SLC30A8: variants seen among roughly 807,000 people sequenced by gnomAD.
SLC30A8 encodes proton-coupled zinc antiporter SLC30A8.
SLC30A8 carries 27 observed loss-of-function variants against 36.9 expected under a neutral mutation model. That is an observed-to-expected ratio of 0.73 (90% CI 0.54 to 1.01). The LOEUF is 1.01. SLC30A8 is among the 50% of genes least tolerant of loss of function. The pLI is 0.00. For synonymous variants in SLC30A8, 164 were observed against 172.4 expected (o/e 0.95, Z 0.38); for missense variants, 439 against 452.0 (o/e 0.97, Z 0.26).
intron 1 of SLC30A8, among the ~76,000 whole-genome samples, chr8:116,955,243 T>C (rs1370349284): frequency 6.6e-6 from 1 of 152,094 alleles, no homozygotes; most frequent in African/African-American, 2.4e-5. Context: ...GCAGATGCAA[T>C]TAATTAAGAT....
At chr8:117,022,194 C>T (rs1269386761) in intron 1 of SLC30A8, among the ~76,000 whole-genome samples, 11 of 101,138 alleles carry the variant, frequency 1.1e-4, no homozygotes, top group East Asian at 5.6e-4. Flanking sequence ...AGCAAGACTC[C>T]GTCTCAAAAA....
intron 2 of SLC30A8, among the ~76,000 whole-genome samples, chr8:117,042,167 A>G (rs768461378): frequency 1.3e-5 from 2 of 152,240 alleles, no homozygotes; most frequent in African/African-American, 2.4e-5. Context: ...ACCTTTTATG[A>G]CATTCAAAGA....
At chr8:117,097,431 A>T in intron 2 of SLC30A8, among the ~76,000 whole-genome samples, 1 of 121,102 alleles carries the variant, frequency 8.3e-6, no homozygotes, top group Non-Finnish European at 1.6e-5. Flanking sequence ...ATATATAAAT[A>T]TATATAATTA....
intron 5 of SLC30A8, 60 bp from the exon 6 acceptor site, chr8:117,163,365 C>A: frequency 1.5e-6 from 2 of 1,306,976 alleles, no homozygotes; most frequent in Non-Finnish European, 2.2e-6. Flanking sequence ...TTTTATTAAT[C>A]AGACTTTCTG....
At chr8:117,127,225 G>C (rs774767018) in intron 2 of SLC30A8, among the ~76,000 whole-genome samples, 1 of 123,262 alleles carries the variant, frequency 8.1e-6, no homozygotes, top group Non-Finnish European at 1.6e-5. Context: ...GAAGTCTCAT[G>C]TGGAAGTTCT....
intron 2 of SLC30A8, among the ~76,000 whole-genome samples, chr8:117,089,372 A>G (rs938693205): frequency 4.6e-5 from 7 of 152,034 alleles, no homozygotes; most frequent in Non-Finnish European, 8.8e-5. Context: ...TGCATCTCCC[A>G]TCTCCCCAAA....
intron 1 of SLC30A8, among the ~76,000 whole-genome samples, chr8:116,989,483 T>G (rs946650995): frequency 6.6e-6 from 1 of 152,224 alleles, no homozygotes; most frequent in African/African-American, 2.4e-5. Flanking sequence ...ATTATTTACC[T>G]AAATTGTTTA....
chr8:117,023,614 C>G (rs1187233068), intron 1 of SLC30A8, among the ~76,000 whole-genome samples: 2 of 150,990 alleles, frequency 1.3e-5, no homozygotes, highest in Admixed American at 1.3e-4. Context: ...AGCAAACTAT[C>G]ACAAGGACAA....
At chr8:117,078,840 G>A (rs1037323696) in intron 2 of SLC30A8, among the ~76,000 whole-genome samples, 3 of 151,874 alleles carry the variant, frequency 2.0e-5, no homozygotes, top group East Asian at 1.9e-4. Flanking sequence ...GGTGCATGCC[G>A]CCACACCTAG....
chr8:117,079,428 C>G (rs567606997), intron 2 of SLC30A8, among the ~76,000 whole-genome samples: 1 of 152,184 alleles, frequency 6.6e-6, no homozygotes, highest in African/African-American at 2.4e-5. Context: ...CTAGCACCTC[C>G]ACCAAGTAGC....
intron 2 of SLC30A8, among the ~76,000 whole-genome samples, chr8:117,123,484 A>G (rs1820768471): frequency 6.6e-6 from 1 of 152,024 alleles, no homozygotes; most frequent in Non-Finnish European, 1.5e-5. Context: ...CCCTGGGAAA[A>G]TGATCATACT....
intron 4 of SLC30A8, among the ~76,000 whole-genome samples, chr8:117,158,094 A>G (rs1358531471): frequency 6.6e-6 from 1 of 152,172 alleles, no homozygotes; most frequent in Non-Finnish European, 1.5e-5. Context: ...AGGATGTTTG[A>G]ATATATATTA....
chr8:117,157,611 T>A (rs1000780548), intron 3 of SLC30A8, 80 bp from the exon 4 acceptor site: 3 of 1,488,082 alleles, frequency 2.0e-6, no homozygotes, highest in Middle Eastern at 3.6e-4. Context: ...AGTGGCAAAG[T>A]GTCTTATGAC....
chr8:117,149,575 C>T (rs529528546), intron 2 of SLC30A8, among the ~76,000 whole-genome samples: 61 of 152,222 alleles, frequency 4.0e-4, no homozygotes, highest in South Asian at 1.9e-3. Context: ...GAGATAATTA[C>T]GCAATTTTGG....
At chr8:116,959,340 T>C (rs1488190597) in intron 1 of SLC30A8, among the ~76,000 whole-genome samples, 1 of 152,192 alleles carries the variant, frequency 6.6e-6, no homozygotes, top group East Asian at 1.9e-4. Context: ...TTTCCACTTA[T>C]CTTTTAAAGC....
At chr8:116,979,164 G>T (rs940126659) in intron 1 of SLC30A8, among the ~76,000 whole-genome samples, 5 of 146,090 alleles carry the variant, frequency 3.4e-5, no homozygotes, top group African/African-American at 1.3e-4. Flanking sequence ...GCTCGAACCT[G>T]GGAAGCGGAG....
intron 2 of SLC30A8, among the ~76,000 whole-genome samples, chr8:117,094,482 G>A (rs1819271992): frequency 6.6e-6 from 1 of 152,232 alleles, no homozygotes; most frequent in Non-Finnish European, 1.5e-5. Context: ...AGTGTGTCCT[G>A]ATGAGTGTCC....
intron 2 of SLC30A8, among the ~76,000 whole-genome samples, chr8:117,148,239 G>T (rs1821995897): frequency 6.6e-6 from 1 of 151,810 alleles, no homozygotes; most frequent in East Asian, 1.9e-4. Context: ...TTTTGCATTT[G>T]GTTTTAAAAT....
chr8:117,067,955 CTG>C (rs1046515908), intron 2 of SLC30A8, among the ~76,000 whole-genome samples: 12 of 152,170 alleles, frequency 7.9e-5, no homozygotes, highest in Non-Finnish European at 1.5e-5. Context: ...GGGCAGCAAA[CTG>C]TGTAAAAACT....
Sources: allele counts gnomAD v4.1 joint callset (sites outside exome capture counted in the v4.1 genomes callset), GRCh38; gene constraint gnomAD v4.1.1; transcripts MANE v1.5; gene names NCBI Gene and HGNC (gene_info 2026-07-23, HGNC 2026-07-21).